Variants in JAK2 observed in about 807,000 individuals in gnomAD.
JAK2 encodes the protein tyrosine-protein kinase JAK2.
JAK2 carries 86 observed loss-of-function variants against 139.3 expected under a neutral mutation model. The ratio of observed to expected loss-of-function variants is 0.62; its 90% CI spans 0.52 to 0.74. The LOEUF is 0.74. Among genes scored for constraint, JAK2 ranks in the 30% least tolerant of loss-of-function variants. The pLI, the probability that JAK2 is intolerant of heterozygous loss-of-function variation, is 0.00. For synonymous variants in JAK2, 490 were observed against 437.7 expected, an observed-to-expected ratio of 1.12 and a Z score of -1.49; for missense variants, 1,421 against 1,360.3, an observed-to-expected ratio of 1.04 and a Z score of -0.70.
chr9:5,087,176 A>C (rs554779032), intron 19 of JAK2, among the ~76,000 whole-genome samples: 1 of 152,360 alleles, frequency 6.6e-6, no homozygotes, highest in Non-Finnish European at 1.5e-5. Context: ...GTAATTTATA[A>C]AGGAAAGAGG....
chr9:4,986,419 T>G (rs1264687735), intron 2 of JAK2, among the ~76,000 whole-genome samples: 1 of 152,198 alleles, frequency 6.6e-6, no homozygotes, highest in East Asian at 1.9e-4. Context: ...ATTGAATGTT[T>G]CCTCATGGTT....
At chr9:5,116,967 A>G (rs945227761) in intron 22 of JAK2, among the ~76,000 whole-genome samples, 2 of 152,260 alleles carry the variant, frequency 1.3e-5, no homozygotes, top group Admixed American at 6.5e-5. Flanking sequence ...ATGACATTTC[A>G]ACGATTGGTT....
chr9:5,124,963 G>T (rs553154381), intron 23 of JAK2, among the ~76,000 whole-genome samples: 36 of 151,638 alleles, frequency 2.4e-4, no homozygotes, highest in African/African-American at 8.7e-4. Flanking sequence ...ATATTGGGAA[G>T]CTAGTTAGTA....
chr9:5,013,559 T>C (rs1238096246), intron 2 of JAK2, among the ~76,000 whole-genome samples: 2 of 152,216 alleles, frequency 1.3e-5, no homozygotes, highest in Non-Finnish European at 2.9e-5. Flanking sequence ...CAAACTTGTC[T>C]CTACTTTGTT....
chr9:5,112,927 G>A, intron 22 of JAK2: 2 of 250,922 alleles, frequency 8.0e-6, no homozygotes, highest in South Asian at 1.2e-4. Context: ...GAGGCCCTGG[G>A]CTTCATCCAC....
intron 10 of JAK2, 78 bp downstream of exon 10, chr9:5,066,867 T>TATTTA: frequency 1.8e-6 from 1 of 565,048 alleles, no homozygotes; most frequent in South Asian, 3.7e-5. Context: ...TTACCATATT[T>TATTTA]CCTTTTTAAT....
intron 8 of JAK2, among the ~76,000 whole-genome samples, chr9:5,062,519 AAAAAAAAAAAAAG>A (rs1586724766): frequency 6.7e-6 from 1 of 148,230 alleles, no homozygotes; most frequent in East Asian, 1.9e-4. Context: ...AAAAAAAAAA[AAAAAAAAAAAAAG>A]GTCATATCTG....
At chr9:5,091,849 A>G (rs1388754724) in intron 22 of JAK2, among the ~76,000 whole-genome samples, 1 of 152,054 alleles carries the variant, frequency 6.6e-6, no homozygotes, top group Non-Finnish European at 1.5e-5. Flanking sequence ...TAAGGTTGTT[A>G]GTTATGAAAT....
At chr9:5,089,894 T>A in intron 20 of JAK2, 31 bp downstream of exon 20, 1 of 1,403,504 alleles carries the variant, frequency 7.1e-7, no homozygotes, top group Non-Finnish European at 9.4e-7. Context: ...TATTTTAAAT[T>A]CAAGGTATGT....
At chr9:5,058,953 G>T (rs1817969622) in intron 8 of JAK2, among the ~76,000 whole-genome samples, 1 of 151,878 alleles carries the variant, frequency 6.6e-6, no homozygotes, top group African/African-American at 2.4e-5. Flanking sequence ...TATATGATTT[G>T]CAAATATTTT....
chr9:5,049,390 C>A (rs1305852106), intron 5 of JAK2, among the ~76,000 whole-genome samples: 3 of 152,214 alleles, frequency 2.0e-5, no homozygotes, highest in African/African-American at 7.2e-5. Context: ...TTAGTTTATG[C>A]ATCTGAACAT....
At chr9:5,073,125 G>A (rs1819081489) in intron 13 of JAK2, among the ~76,000 whole-genome samples, 2 of 152,122 alleles carry the variant, frequency 1.3e-5, no homozygotes, top group African/African-American at 4.8e-5. Context: ...AAAGGGTGTT[G>A]GTGTTAGAAG....
intron 3 of JAK2, among the ~76,000 whole-genome samples, chr9:5,029,489 C>T (rs865863127): frequency 5.3e-5 from 8 of 152,044 alleles, no homozygotes; most frequent in Non-Finnish European, 8.8e-5. Context: ...ATGGTGCTGA[C>T]AGACTTACTA....
Position 5,055,803 on chromosome 9 carries a change from T to A in JAK2, c.1056+15T>A. On this transcript the variant is annotated intron_variant, in intron 8 of 24. Transcript: ENST00000381652. ...GTAAAAATCTGGTAAGTTTGCTTTA[T>A]GATTGAATAATGGTTTCATTTTATA... is the stretch of plus-strand genomic sequence containing the variant. The A allele has an allele frequency of 6.2e-7, 1 of 1,602,142 alleles. No individual in the cohort carries two copies. Among genetic ancestry groups the A allele is most frequent in the East Asian group, 2.2e-5 (1 of 44,618 alleles).
chr9:5,005,091 T>G (rs1487298112), intron 2 of JAK2, among the ~76,000 whole-genome samples: 2 of 16,288 alleles, frequency 1.2e-4, no homozygotes, highest in African/African-American at 6.4e-4. Flanking sequence ...TAATTTTTTT[T>G]TTTTTTTTTT....
intron 12 of JAK2, among the ~76,000 whole-genome samples, chr9:5,072,063 C>A (rs1035695701): frequency 6.6e-6 from 1 of 152,106 alleles, no homozygotes; most frequent in Non-Finnish European, 1.5e-5. Context: ...ACAGCTGCAG[C>A]ACAGAGATTA....
intron 19 of JAK2, chr9:5,085,260 C>G (rs1819995726): frequency 1.5e-6 from 1 of 683,580 alleles, no homozygotes; most frequent in South Asian, 1.4e-5. Flanking sequence ...ACCTGAGATT[C>G]ACATCAGCTG....
intron 22 of JAK2, chr9:5,097,863 G>C (rs538679192): frequency 2.0e-5 from 3 of 152,226 alleles, no homozygotes; most frequent in African/African-American, 7.2e-5. Context: ...CCATTCTCAG[G>C]TTATATGCTT....
chr9:5,111,716 C>G (rs947020834), intron 22 of JAK2: 86 of 433,664 alleles, frequency 2.0e-4, no homozygotes, highest in Non-Finnish European at 2.2e-4. Flanking sequence ...CGGCCTGCAC[C>G]AGCACGAGCG....
Sources: allele counts gnomAD v4.1 joint callset (sites outside exome capture counted in the v4.1 genomes callset), GRCh38; gene constraint gnomAD v4.1.1; transcripts MANE v1.5; gene names NCBI Gene and HGNC (gene_info 2026-07-23, HGNC 2026-07-21).